Variants in IL1RAPL2 observed in about 807,000 individuals in gnomAD.
IL1RAPL2 encodes the protein interleukin 1 receptor accessory protein like 2, also known as X-linked interleukin-1 receptor accessory protein-like 2.
A neutral mutation model predicts 44.1 loss-of-function variants in IL1RAPL2; 3 were observed. That is an observed-to-expected ratio of 0.07 (90% CI 0.03 to 0.18). The LOEUF (loss-of-function observed/expected upper bound fraction) is 0.18. IL1RAPL2 is among the 10% of genes least tolerant of loss of function. The pLI is 1.00. For missense variants in IL1RAPL2, 391 were observed against 496.4 expected (o/e 0.79, Z 2.02); for synonymous variants, 181 against 178.8 (o/e 1.01, Z -0.10).
Position 105,673,930 on chromosome X carries a change from C to A in IL1RAPL2, c.773-43437C>A, listed in dbSNP as rs1268950802. Among the ~76,000 whole-genome samples, 10 of 111,936 alleles carry A rather than the reference C, an allele frequency of 8.9e-5. No homozygotes were observed. The East Asian group carries it at 2.5e-3, about 28-fold the overall frequency. On this transcript the variant is annotated intron_variant, in intron 6 of 10. Transcript: ENST00000372582. ...TTCTCTAATGATCAGTGATGTTGATCTTTTTTTCATATGTTTGTGGGCTGT... is the reference window on the plus strand; with the variant it reads ...TTCTCTAATGATCAGTGATGTTGATATTTTTTTCATATGTTTGTGGGCTGT...
At chrX:104,602,871 C>T (rs1928914440) in intron 1 of IL1RAPL2, among the ~76,000 whole-genome samples, 1 of 111,586 alleles carries the variant, frequency 9.0e-6, no homozygotes, top group Non-Finnish European at 1.9e-5. Context: ...GGACAGAGCA[C>T]CTGGGGAAAG....
chrX:105,247,611 G>A (rs866663028), intron 4 of IL1RAPL2, among the ~76,000 whole-genome samples: 1,719 of 91,517 alleles, frequency 0.019, 49 homozygotes, highest in African/African-American at 0.087. Context: ...ATATGTGTGT[G>A]TGTGTGTGTG....
intron 2 of IL1RAPL2, among the ~76,000 whole-genome samples, chrX:104,971,295 C>T (rs1452914974): frequency 9.0e-6 from 1 of 111,280 alleles, no homozygotes; most frequent in African/African-American, 3.3e-5. Flanking sequence ...TTGCAGTGAG[C>T]CGAGATTGCA....
intron 6 of IL1RAPL2, among the ~76,000 whole-genome samples, chrX:105,616,575 ATCT>A (rs1408350852): frequency 9.0e-6 from 1 of 111,011 alleles, no homozygotes; most frequent in Non-Finnish European, 1.9e-5. Context: ...GCATCCCTAT[ATCT>A]TCTTTTGTAA....
At chrX:105,041,875 A>G (rs1310627953) in intron 2 of IL1RAPL2, among the ~76,000 whole-genome samples, 1 of 111,252 alleles carries the variant, frequency 9.0e-6, no homozygotes, top group Non-Finnish European at 1.9e-5. Context: ...GTACCAAAAC[A>G]GAGATGTAGA....
chrX:105,603,842 G>C (rs993499502), intron 6 of IL1RAPL2, among the ~76,000 whole-genome samples: 4 of 111,450 alleles, frequency 3.6e-5, no homozygotes, highest in Non-Finnish European at 7.6e-5. Context: ...AATAAAGCTA[G>C]AAATAACTAA....
chrX:104,941,502 T>TG (rs1825009216), intron 2 of IL1RAPL2, among the ~76,000 whole-genome samples: 1 of 112,139 alleles, frequency 8.9e-6, no homozygotes, highest in Non-Finnish European at 1.9e-5. Flanking sequence ...AAATGTCTTT[T>TG]GAGAAGTGTC....
At chrX:104,912,621 T>A (rs145339518) in intron 2 of IL1RAPL2, among the ~76,000 whole-genome samples, 1 of 111,871 alleles carries the variant, frequency 8.9e-6, no homozygotes, top group South Asian at 3.7e-4. Context: ...AAAATACTTA[T>A]TTTTAATGTG....
chrX:105,405,453 C>T (rs1406611350), intron 5 of IL1RAPL2, among the ~76,000 whole-genome samples: 2 of 111,762 alleles, frequency 1.8e-5, no homozygotes, highest in Non-Finnish European at 3.8e-5. Context: ...CCTTTTATAA[C>T]ATAGTGTAGC....
Position 104,630,909 on chromosome X carries a change from T to C in IL1RAPL2, c.-19-27986T>C, listed in dbSNP as rs145114513. 1.5e-3 allele frequency among the ~76,000 whole-genome samples: 170 copies of C among 110,113 alleles called. 1 individual carries two copies. The highest frequency in any genetic ancestry group is 5.0e-3 in the African/African-American group (151 of 30,191). ...AACGTGCAGGTTAGTTACATATGTA[T>C]ACATGTGCCATGTTGGTGTGCTGGA... On this transcript the variant is annotated intron_variant, in intron 1 of 10. Coordinates refer to ENST00000372582, the MANE Select transcript of IL1RAPL2 (RefSeq NM_017416.2).
intron 6 of IL1RAPL2, among the ~76,000 whole-genome samples, chrX:105,564,809 C>T (rs1029900414): frequency 3.6e-5 from 4 of 112,045 alleles, no homozygotes; most frequent in African/African-American, 1.3e-4. Flanking sequence ...ATGCCTCTCA[C>T]CCCATGCCTG....
intron 6 of IL1RAPL2, among the ~76,000 whole-genome samples, chrX:105,546,165 C>T (rs1047493368): frequency 9.0e-5 from 10 of 110,926 alleles, no homozygotes; most frequent in Non-Finnish European, 1.5e-4. Flanking sequence ...GGGTTGGGGG[C>T]GCAGTGGGAA....
intron 2 of IL1RAPL2, among the ~76,000 whole-genome samples, chrX:105,050,885 C>G (rs776960551): frequency 1.8e-5 from 2 of 112,573 alleles, no homozygotes; most frequent in East Asian, 5.7e-4. Flanking sequence ...GTCTCTGAAG[C>G]TCTCAGCAGA....
intron 6 of IL1RAPL2, among the ~76,000 whole-genome samples, chrX:105,521,036 G>A (rs1301282759): frequency 2.1e-5 from 2 of 94,057 alleles, no homozygotes; most frequent in African/African-American, 7.9e-5. Context: ...CTTGGTTCAC[G>A]CCATTCTCCT....
At chrX:104,585,083 C>T (rs1322594509) in intron 1 of IL1RAPL2, among the ~76,000 whole-genome samples, 5 of 95,556 alleles carry the variant, frequency 5.2e-5, no homozygotes, top group African/African-American at 1.9e-4. Context: ...TCAATCCTTC[C>T]ACACTTTCTC....
intron 2 of IL1RAPL2, among the ~76,000 whole-genome samples, chrX:105,002,417 T>C (rs1200386644): frequency 9.0e-6 from 1 of 111,421 alleles, no homozygotes; most frequent in African/African-American, 3.3e-5. Flanking sequence ...TAGGTAGAAA[T>C]GAACTCCACC....
intron 6 of IL1RAPL2, among the ~76,000 whole-genome samples, chrX:105,610,540 G>C (rs1305007501): frequency 9.0e-6 from 1 of 111,380 alleles, no homozygotes; most frequent in South Asian, 3.8e-4. Context: ...GATTTGTTTT[G>C]TATATAAGTC....
chrX:105,293,512 C>T (rs1312111397), intron 5 of IL1RAPL2, among the ~76,000 whole-genome samples: 1 of 112,010 alleles, frequency 8.9e-6, no homozygotes, highest in Non-Finnish European at 1.9e-5. Context: ...CCCGTTTCCC[C>T]AAATCTTTGT....
At chrX:104,879,057 T>C (rs1922987131) in intron 2 of IL1RAPL2, among the ~76,000 whole-genome samples, 1 of 111,073 alleles carries the variant, frequency 9.0e-6, no homozygotes, top group Non-Finnish European at 1.9e-5. Context: ...ATTACAAAGT[T>C]ATATAAAATA....
Sources: allele counts gnomAD v4.1 joint callset (sites outside exome capture counted in the v4.1 genomes callset), GRCh38; gene constraint gnomAD v4.1.1; transcripts MANE v1.5; gene names NCBI Gene and HGNC (gene_info 2026-07-23, HGNC 2026-07-21).